DHX58: variants seen among roughly 807,000 people sequenced by gnomAD.
The protein encoded by DHX58 is DExH-box helicase 58.
DHX58 carries 51 observed loss-of-function variants against 65.0 expected under a neutral mutation model. That is an observed-to-expected ratio of 0.78 (90% CI 0.63 to 0.99). The LOEUF is 0.99. Ranked by LOEUF, DHX58 falls within the 50% of genes least tolerant of loss-of-function variation. The probability of loss-of-function intolerance (pLI) is 0.00; values close to 1 mark genes in which losing one functional copy is unlikely to be tolerated. For missense variants in DHX58, 773 were observed against 891.8 expected, an observed-to-expected ratio of 0.87 and a Z score of 1.70; for synonymous variants, 350 against 365.0, an observed-to-expected ratio of 0.96 and a Z score of 0.47.
rs142453995 is a variant in DHX58 at position 42,103,795 on chromosome 17, G to T, written c.1567C>A (p.Arg523=). The part of the protein sequence containing the change: ...MDQAEYQAKI[R]DLQQAALTKR... ...GTCAAGGCTGCCTGCTGCAGATCCC[G>T]GATCTGGGGTGGGAGGAGACACCAG... The change falls in exon 12 of 14, where the codon CGG becomes AGG. Residue 523 remains arginine (R), a synonymous_variant. Transcript: ENST00000251642. The T allele has an allele frequency of 1.0e-3, 1,602 of 1,604,082 alleles. No individual in the cohort carries two copies. Among genetic ancestry groups the T allele is most frequent in the Non-Finnish European group, 1.3e-3 (1,510 of 1,178,506 alleles).
chr17:42,103,882 C>A (rs1321817412), intron 11 of DHX58, 84 bp from the exon 12 acceptor site: 3 of 1,431,528 alleles, frequency 2.1e-6, no homozygotes, highest in Non-Finnish European at 2.8e-6. Flanking sequence ...GAACTAAGAT[C>A]ATTTGTACCT....
At chr17:42,104,433 T>A (rs1307686256) in intron 11 of DHX58, among the ~76,000 whole-genome samples, 1 of 152,162 alleles carries the variant, frequency 6.6e-6, no homozygotes, top group African/African-American at 2.4e-5. Flanking sequence ...TAAGTCCTAG[T>A]TCTGGGCTTA....
chr17:42,104,210 A>G (rs1337256963), intron 11 of DHX58, among the ~76,000 whole-genome samples: 18 of 144,364 alleles, frequency 1.2e-4, no homozygotes, highest in African/African-American at 3.0e-4. Flanking sequence ...CGTCTCGGGG[A>G]AAAAAAAAAA....
rs201728572 is a variant in DHX58 at position 42,105,039 on chromosome 17, G to C, written c.1380C>G (p.Thr460=). ...GTACCTGGACCATGGAGATTTCATT[G>C]GTCAAGAGCCCATAACGCACCACCA... is the stretch of plus-strand genomic sequence containing the variant. ...CNVVVRYGLL[T]NEISMVQARG... Residue 460 remains threonine, a synonymous_variant, in exon 10 of 14, where the codon ACC becomes ACG. Coordinates refer to ENST00000251642, the MANE Select transcript of DHX58 (RefSeq NM_024119.3). 109 of 1,613,508 alleles carry C rather than the reference G, an allele frequency of 6.8e-5. No homozygotes were observed. The East Asian group carries it at 2.4e-3, about 35-fold the overall frequency.
In DHX58 at chr17:42,105,862, G is replaced by A. The variant is rs2054049972; in HGVS notation, c.1125C>T (p.Arg375=). 7 of 1,613,940 alleles carry A rather than the reference G, an allele frequency of 4.3e-6. No individual in the cohort carries two copies. Among genetic ancestry groups the A allele is most frequent in the Non-Finnish European group, 5.9e-6 (7 of 1,180,034 alleles). ...SNSPRGIIFT[R]TRQSAHSLLL... is the part of the protein sequence containing the mutation. ...GGAGGGAGTGTGCGCTTTGGCGGGT[G>A]CGGGTGAAGATGATACCCCGAGGGC... is the stretch of plus-strand genomic sequence containing the variant. Residue 375 remains arginine, a synonymous_variant, in exon 9 of 14, where the codon CGC becomes CGT. Coordinates refer to ENST00000251642, the MANE Select transcript of DHX58 (RefSeq NM_024119.3).
Position 42,112,175 on chromosome 17 carries a change from T to TCA in DHX58, c.-66_-65dup, listed in dbSNP as rs1398037932. On this transcript the variant is annotated 5_prime_UTR_variant, in exon 2 of 14. Transcript: ENST00000251642. Reference sequence around the variant, plus strand: ...TTAACTCAGCCTGGTGCCACTCTGCTCAGCTCAGAGACCCAAGATGGAAAC... The same window carrying TCA: ...TTAACTCAGCCTGGTGCCACTCTGCTCACAGCTCAGAGACCCAAGATGGAAAC... The TCA allele has an allele frequency of 9.6e-6, 3 of 312,588 alleles. No homozygotes were observed. Among genetic ancestry groups the TCA allele is most frequent in the Non-Finnish European group, 1.8e-5 (3 of 170,512 alleles). The allele number at this position is 312,588 out of a possible 1,614,324, so 19.4% of individuals were successfully genotyped here.
chr17:42,112,283 C>T (rs1309279937), intron 1 of DHX58, 78 bp from the exon 2 acceptor site: 1 of 172,616 alleles, frequency 5.8e-6, no homozygotes, highest in South Asian at 1.8e-4. Context: ...AGAAAAGAAC[C>T]GTTTGTGCTA....
In DHX58 at chr17:42,105,973, C is replaced by G; in HGVS notation, c.1014G>C (p.Leu338=). The G allele has an allele frequency of 6.2e-7, 1 of 1,613,140 alleles. No individual in the cohort carries two copies. The highest frequency in any genetic ancestry group is 1.1e-5 in the South Asian group (1 of 91,004). The change falls in exon 9 of 14, where the codon CTG becomes CTC. Residue 338 remains leucine (L), a synonymous_variant. Transcript: ENST00000251642. ...LALFDDRKNE[L]AHLATHGPEN... is the part of the protein sequence containing the mutation. ...CTGGGCCATGAGTTGCCAAGTGGGCCAGCTCATTCTTGCGGTCTGTCAAAA... is the reference window on the plus strand; with the variant it reads ...CTGGGCCATGAGTTGCCAAGTGGGCGAGCTCATTCTTGCGGTCTGTCAAAA...
Position 42,105,025 on chromosome 17 carries a change from A to G in DHX58, c.1394T>C (p.Met465Thr). 1 of 1,613,228 alleles carries G rather than the reference A, an allele frequency of 6.2e-7. No individual in the cohort carries two copies. Among genetic ancestry groups the G allele is most frequent in the South Asian group, 1.1e-5 (1 of 91,050 alleles). ...RYGLLTNEIS[M>T]VQARGRARAD... ...GGAGGAGGATGTGAGTACCTGGACC[A>G]TGGAGATTTCATTGGTCAAGAGCCC... Residue 465 changes from methionine (M) to threonine (T), a missense_variant, in exon 10 of 14, where the codon ATG (methionine) becomes ACG (threonine). By Grantham distance (81) the Met-to-Thr change is moderately conservative. Transcript: ENST00000251642.
chr17:42,104,622 C>T lies in DHX58; in HGVS notation c.1563+144G>A, dbSNP rs1199302522. ...CTTCCCTGGCAGCCCCACCCCGGCC[C>T]TTATTTAAACCTTCCCTAGGTGGCC... On this transcript the variant is annotated intron_variant, in intron 11 of 13. Coordinates refer to ENST00000251642, the MANE Select transcript of DHX58 (RefSeq NM_024119.3). 3.6e-6 allele frequency: 4 copies of T among 1,112,852 alleles called. No individual in the cohort carries two copies. In the African/African-American group the frequency reaches 6.3e-5, roughly 17 times the overall value. The allele number at this position is 1,112,852 out of a possible 1,614,324, so 68.9% of individuals were successfully genotyped here.
At position 42,101,724 on chromosome 17, in the gene DHX58, C is replaced by T; in HGVS notation, c.*37G>A. 2 of 1,604,694 alleles carry T rather than the reference C, an allele frequency of 1.2e-6. No individual in the cohort carries two copies. Among genetic ancestry groups the T allele is most frequent in the Non-Finnish European group, 1.7e-6 (2 of 1,173,580 alleles). The stretch of plus-strand genomic sequence containing the variant: ...GAGTCTGCTGCAGACTCTCCCGCCC[C>T]CTACAGCCCAAACCGGGCACTGCAG... On this transcript the variant is annotated 3_prime_UTR_variant, in exon 14 of 14. Coordinates refer to ENST00000251642, the MANE Select transcript of DHX58 (RefSeq NM_024119.3).
chr17:42,112,066 G>C, intron 2 of DHX58, 47 bp downstream of exon 2: 1 of 785,492 alleles, frequency 1.3e-6, no homozygotes, highest in Non-Finnish European at 1.9e-6. Flanking sequence ...AGGGGGAGGC[G>C]GGAGTAACAC....
Position 42,105,858 on chromosome 17 carries a change from G to A in DHX58, c.1129C>T (p.Arg377Cys), listed in dbSNP as rs200815865. The change falls in exon 9 of 14, where the codon CGC becomes TGC. Residue 377 changes from arginine (R) to cysteine (C), a missense_variant. Coordinates refer to ENST00000251642, the MANE Select transcript of DHX58 (RefSeq NM_024119.3). ...AGCAGGAGGGAGTGTGCGCTTTGGCGGGTGCGGGTGAAGATGATACCCCGA... is the reference window on the plus strand; with the variant it reads ...AGCAGGAGGGAGTGTGCGCTTTGGCAGGTGCGGGTGAAGATGATACCCCGA... The part of the protein sequence containing the change: ...SPRGIIFTRT[R>C]QSAHSLLLWL... 65 of 1,614,038 alleles carry A rather than the reference G, an allele frequency of 4.0e-5. No homozygotes were observed. The East Asian group carries it at 1.1e-3, about 27-fold the overall frequency.
rs781871634 is a variant in DHX58, at chr17:42,104,918, G to T, written c.1411C>A (p.Arg471Ser). 1.2e-6 allele frequency: 2 copies of T among 1,614,026 alleles called. No individual in the cohort carries two copies. Residue 471 changes from arginine to serine, a missense_variant, in exon 11 of 14, where the codon CGT becomes AGT. Transcript: ENST00000251642. ...NEISMVQARGRARADQSVYAF... is the reference protein window; with the variant it reads ...NEISMVQARGSARADQSVYAF... ...TATACACTCTGATCGGCCCGGGCAC[G>T]GCCCCTGGCCTGGGAAGAGAGACAA...
Position 42,107,706 on chromosome 17 carries a change from C to G in DHX58, c.895G>C (p.Ala299Pro), listed in dbSNP as rs2054083864. ...TGCAGCGCAGCCAAGGCATCCACGG[C>G]GCGGACGGTGTCATGGATGAGCAGC... ...DALLIHDTVR[A>P]VDALAALQDF... Residue 299 changes from alanine to proline, a missense_variant, in exon 8 of 14, where the codon GCC (alanine) becomes CCC (proline). Physicochemically the swap from Ala to Pro is conservative, Grantham distance 27. Coordinates refer to ENST00000251642, the MANE Select transcript of DHX58 (RefSeq NM_024119.3). 6.2e-7 allele frequency: 1 copy of G among 1,611,374 alleles called. No homozygotes were observed. The highest frequency in any genetic ancestry group is 8.5e-7 in the Non-Finnish European group (1 of 1,178,844).
Position 42,111,769 on chromosome 17 carries a change from G to C in DHX58, c.124C>G (p.Leu42Val), listed in dbSNP as rs782300137. 1.2e-6 allele frequency: 2 copies of C among 1,614,048 alleles called. No individual in the cohort carries two copies. Among genetic ancestry groups the C allele is most frequent in the Admixed American group, 1.7e-5 (1 of 60,006 alleles). ...RAAAYVAKRH[L>V]ETVDGAKVVV... The stretch of plus-strand genomic sequence containing the variant: ...ACCTTGGCTCCATCCACAGTCTCTA[G>C]GTGCCGCTTGGCCACATAAGCAGCC... The change falls in exon 3 of 14, where the codon CTA becomes GTA. Residue 42 changes from leucine (L) to valine (V), a missense_variant. Physicochemically the swap from Leu to Val is conservative, Grantham distance 32 (BLOSUM62 1). Transcript: ENST00000251642.
At chr17:42,108,152 G>A in intron 6 of DHX58, 44 bp from the exon 7 acceptor site, 7 of 1,613,372 alleles carry the variant, frequency 4.3e-6, no homozygotes, top group Non-Finnish European at 5.9e-6. Context: ...ACACGTTGGA[G>A]GATGGGCACC....
chr17:42,110,613 ATGGAGAGCC>A lies in DHX58; in HGVS notation c.561+101_561+109del, dbSNP rs1212133053. On this transcript the variant is annotated intron_variant, in intron 5 of 13. Transcript: ENST00000251642. The stretch of plus-strand genomic sequence containing the variant: ...GGTGAGGAAGGGGCCAGACCCTGCC[ATGGAGAGCC>A]TGGTAGGGCTGGTGGGGACGGGGTA... 10 of 1,287,452 alleles carry A rather than the reference ATGGAGAGCC, an allele frequency of 7.8e-6. No individual in the cohort carries two copies. The African/African-American group carries it at 1.5e-4, about 19-fold the overall frequency. The allele number at this position is 1,287,452 out of a possible 1,614,324, so 79.8% of individuals were successfully genotyped here. A position where few individuals can be genotyped will look rare whatever the true frequency, so the allele number is the denominator to read the frequency against.
intron 9 of DHX58, 60 bp downstream of exon 9, chr17:42,105,676 C>T (rs2054045479): frequency 1.3e-6 from 2 of 1,507,750 alleles, no homozygotes; most frequent in East Asian, 2.3e-5. Flanking sequence ...GACCCTGTTC[C>T]CCGCACTTCT....
Sources: gnomAD v4.1 joint callset for allele counts (sites outside exome capture counted in the v4.1 genomes callset) on GRCh38, gnomAD v4.1.1 for gene constraint, MANE v1.5 for transcripts, NCBI Gene and HGNC (gene_info 2026-07-23, HGNC 2026-07-21) for gene names.